Variants in ADAMTSL1 observed in about 807,000 individuals in gnomAD.
ADAMTSL1 encodes the protein ADAMTS like 1, also known as ADAMTS-like protein 1.
Under a neutral mutation model 201.8 loss-of-function variants are expected in ADAMTSL1, and 126 were observed. That is an observed-to-expected ratio of 0.62 (90% CI 0.54 to 0.72). The LOEUF is 0.72. Among genes scored for constraint, ADAMTSL1 ranks in the 30% least tolerant of loss-of-function variants. The probability of loss-of-function intolerance (pLI) is 0.00; values close to 1 mark genes in which losing one functional copy is unlikely to be tolerated. For synonymous variants in ADAMTSL1, 1,121 were observed against 903.4 expected, an observed-to-expected ratio of 1.24 and a Z score of -4.32; for missense variants, 2,679 against 2,277.8, an observed-to-expected ratio of 1.18 and a Z score of -3.59.
chr9:18,690,168 T>C (rs1488221042), intron 13 of ADAMTSL1, among the ~76,000 whole-genome samples: 1 of 152,174 alleles, frequency 6.6e-6, no homozygotes, highest in East Asian at 1.9e-4. Flanking sequence ...GAAAAACCAA[T>C]AAGAGTCACC....
intron 1 of ADAMTSL1, among the ~76,000 whole-genome samples, chr9:17,913,319 T>C (rs1825963421): frequency 6.6e-6 from 1 of 152,240 alleles, no homozygotes; most frequent in African/African-American, 2.4e-5. Flanking sequence ...TGATTCTTCC[T>C]ACCCATGAGC....
intron 2 of ADAMTSL1, among the ~76,000 whole-genome samples, chr9:18,228,689 G>A (rs1245800607): frequency 6.6e-6 from 1 of 152,072 alleles, no homozygotes; most frequent in Non-Finnish European, 1.5e-5. Flanking sequence ...TAAAGTGCTG[G>A]GATTACAGGC....
At chr9:18,364,399 C>G (rs1167595535) in intron 2 of ADAMTSL1, among the ~76,000 whole-genome samples, 2 of 152,100 alleles carry the variant, frequency 1.3e-5, no homozygotes, top group African/African-American at 4.8e-5. Flanking sequence ...TAAATTGTGT[C>G]CATGTTGATA....
At chr9:18,665,193 C>G (rs1829355500) in intron 9 of ADAMTSL1, among the ~76,000 whole-genome samples, 1 of 152,004 alleles carries the variant, frequency 6.6e-6, no homozygotes, top group South Asian at 2.1e-4. Context: ...ATATCTAAAA[C>G]CAAAACAAAG....
chr9:18,259,398 G>A (rs770796619), intron 2 of ADAMTSL1, among the ~76,000 whole-genome samples: 3 of 151,912 alleles, frequency 2.0e-5, no homozygotes, highest in African/African-American at 4.8e-5. Context: ...GGTGGCACAT[G>A]CCTGTAGTCC....
intron 1 of ADAMTSL1, among the ~76,000 whole-genome samples, chr9:18,121,176 G>C (rs1825479806): frequency 1.3e-5 from 2 of 152,140 alleles, no homozygotes. Context: ...ACTGGTATTT[G>C]CAAAATGTCA....
At chr9:17,981,394 T>C (rs1818687908) in intron 1 of ADAMTSL1, among the ~76,000 whole-genome samples, 1 of 152,246 alleles carries the variant, frequency 6.6e-6, no homozygotes, top group Non-Finnish European at 1.5e-5. Flanking sequence ...TTTCATTAAG[T>C]ATGCTAGTCC....
At chr9:18,444,008 G>C (rs1445140454) in intron 2 of ADAMTSL1, among the ~76,000 whole-genome samples, 1 of 152,118 alleles carries the variant, frequency 6.6e-6, no homozygotes, top group African/African-American at 2.4e-5. Flanking sequence ...TCACATTTAA[G>C]TAAGAGGAAC....
At chr9:18,512,705 A>C (rs1017607843) in intron 2 of ADAMTSL1, among the ~76,000 whole-genome samples, 2 of 152,180 alleles carry the variant, frequency 1.3e-5, no homozygotes, top group African/African-American at 4.8e-5. Context: ...TATAAATAAT[A>C]CATCTGTGGA....
chr9:18,681,875 A>G lies in ADAMTSL1; in HGVS notation c.1405A>G (p.Met469Val), dbSNP rs766364206. Residue 469 changes from methionine to valine, a missense_variant, in exon 12 of 29, where the codon ATG (methionine) becomes GTG (valine). Coordinates refer to ENST00000380548, the MANE Select transcript of ADAMTSL1 (RefSeq NM_001040272.6). Reference sequence around the variant, plus strand: ...GGTCCTCTGCATCGACCATCGAGGAATGCACACAGGAGGCTGTAGCCCAAA... The same window carrying G: ...GGTCCTCTGCATCGACCATCGAGGAGTGCACACAGGAGGCTGTAGCCCAAA... ...RVVLCIDHRG[M>V]HTGGCSPKTK... The G allele has an allele frequency of 8.7e-6, 14 of 1,613,960 alleles. No individual in the cohort carries two copies. The highest frequency in any genetic ancestry group is 1.1e-5 in the Non-Finnish European group (13 of 1,179,946).
chr9:18,394,629 C>G (rs1404956231), intron 2 of ADAMTSL1, among the ~76,000 whole-genome samples: 1 of 152,010 alleles, frequency 6.6e-6, no homozygotes, highest in Non-Finnish European at 1.5e-5. Context: ...AAATAATAAC[C>G]TTGAGTGTAG....
intron 2 of ADAMTSL1, among the ~76,000 whole-genome samples, chr9:18,215,141 GTTTATCA>G (rs1166568132): frequency 6.6e-6 from 1 of 152,156 alleles, no homozygotes; most frequent in Non-Finnish European, 1.5e-5. Flanking sequence ...AGCCAATATA[GTTTATCA>G]TTTATGATTA....
chr9:18,358,698 A>G (rs1836366397), intron 2 of ADAMTSL1, among the ~76,000 whole-genome samples: 2 of 152,202 alleles, frequency 1.3e-5, no homozygotes, highest in Non-Finnish European at 2.9e-5. Context: ...TATTGCATGT[A>G]TCCATACTGC....
intron 1 of ADAMTSL1, among the ~76,000 whole-genome samples, chr9:17,982,294 C>G (rs1818738346): frequency 1.3e-5 from 2 of 152,048 alleles, no homozygotes; most frequent in Admixed American, 6.6e-5. Context: ...GTGGCCTTGT[C>G]AGATGGAAAG....
At chr9:18,126,344 T>A (rs1218352857) in intron 1 of ADAMTSL1, among the ~76,000 whole-genome samples, 1 of 152,216 alleles carries the variant, frequency 6.6e-6, no homozygotes, top group African/African-American at 2.4e-5. Context: ...CTCTTCCTTA[T>A]AAGTAACTCA....
At chr9:18,835,948 A>G (rs988736388) in intron 23 of ADAMTSL1, among the ~76,000 whole-genome samples, 15 of 152,176 alleles carry the variant, frequency 9.9e-5, no homozygotes, top group African/African-American at 2.4e-4. Context: ...GCTACTGTGA[A>G]TAGTGCTGCA....
At chr9:18,441,420 A>G (rs1463244009) in intron 2 of ADAMTSL1, among the ~76,000 whole-genome samples, 1 of 152,118 alleles carries the variant, frequency 6.6e-6, no homozygotes, top group Non-Finnish European at 1.5e-5. Flanking sequence ...GTGGGCTGGT[A>G]AATATTAGTT....
intron 2 of ADAMTSL1, among the ~76,000 whole-genome samples, chr9:18,320,698 T>G (rs1007047801): frequency 3.2e-4 from 48 of 152,198 alleles, no homozygotes; most frequent in Non-Finnish European, 8.8e-5. Flanking sequence ...TATATTAAAA[T>G]ATTAACACAA....
At chr9:18,592,885 G>A (rs972801222) in intron 4 of ADAMTSL1, among the ~76,000 whole-genome samples, 1 of 151,938 alleles carries the variant, frequency 6.6e-6, no homozygotes, top group African/African-American at 2.4e-5. Flanking sequence ...TTGGTGTACT[G>A]TTCAGTTTCT....
Sources: gnomAD v4.1 joint callset for allele counts (sites outside exome capture counted in the v4.1 genomes callset) on GRCh38, gnomAD v4.1.1 for gene constraint, MANE v1.5 for transcripts, NCBI Gene and HGNC (gene_info 2026-07-23, HGNC 2026-07-21) for gene names.